Variants in SLC26A2 observed in about 807,000 individuals in gnomAD.
SLC26A2 encodes sulfate transporter.
SLC26A2 carries 36 observed loss-of-function variants against 41.1 expected under a neutral mutation model. That is an observed-to-expected ratio of 0.88 (90% CI 0.67 to 1.16). The LOEUF (loss-of-function observed/expected upper bound fraction) is 1.16, where lower values mean the gene tolerates loss of function less well. SLC26A2 is among the 50% of genes most tolerant of loss of function. The pLI, the probability that SLC26A2 is intolerant of heterozygous loss-of-function variation, is 0.00. For missense variants in SLC26A2, 796 were observed against 869.6 expected (o/e 0.92, Z 1.07); for synonymous variants, 291 against 311.6 (o/e 0.93, Z 0.70).
Position 149,981,069 on chromosome 5 carries a change from G to C in SLC26A2, c.1476G>C (p.Arg492=), listed in dbSNP as rs758441320. ...VLGVITIVNL[R]GALRKFRDLP... ...GTGTGATCACAATTGTAAATCTACG[G>C]GGAGCCCTTCGTAAATTTAGGGATC... Residue 492 remains arginine (R), a synonymous_variant, in exon 3 of 3, where the codon CGG becomes CGC. Transcript: ENST00000286298. The C allele has an allele frequency of 7.4e-6, 12 of 1,614,090 alleles. No homozygotes were observed. The highest frequency in any genetic ancestry group is 9.3e-6 in the Non-Finnish European group (11 of 1,179,998).
chr5:149,967,070 G>A (rs1297794522), intron 1 of SLC26A2, among the ~76,000 whole-genome samples: 1 of 152,192 alleles, frequency 6.6e-6, no homozygotes, highest in Non-Finnish European at 1.5e-5. Flanking sequence ...AAGCTGAAGT[G>A]GGGGATTGTT....
In SLC26A2 at chr5:149,978,055, C is replaced by A. The variant is rs386833504; in HGVS notation, c.403C>A (p.Gln135Lys). The part of the protein sequence containing the change: ...QSIAYSLLAG[Q>K]EPVYGLYTSF... ...CATTGCTTATTCCCTGCTGGCTGGC[C>A]AAGAACCTGTCTATGGTCTGTACAC... Residue 135 changes from glutamine (Q) to lysine (K), a missense_variant, in exon 2 of 3, where the codon CAA becomes AAA. Transcript: ENST00000286298. 3 of 1,613,120 alleles carry A rather than the reference C, an allele frequency of 1.9e-6. No homozygotes were observed. Among genetic ancestry groups the A allele is most frequent in the African/African-American group, 1.3e-5 (1 of 74,858 alleles).
chr5:149,979,458 A>C lies in SLC26A2; in HGVS notation c.700-835A>C, dbSNP rs185571100. 6.6e-5 allele frequency among the ~76,000 whole-genome samples: 10 copies of C among 152,256 alleles called. No individual in the cohort carries two copies. In the East Asian group the frequency reaches 1.5e-3, roughly 24 times the overall value. ...ATTTATAAAGAGACAGGGTCTCTCTATGACCAAACTCCTGGGCTCAAGTGA... is the reference window on the plus strand; with the variant it reads ...ATTTATAAAGAGACAGGGTCTCTCTCTGACCAAACTCCTGGGCTCAAGTGA... On this transcript the variant is annotated intron_variant, in intron 2 of 2. Transcript: ENST00000286298.
At chr5:149,977,311 C>G (rs541599305) in intron 1 of SLC26A2, among the ~76,000 whole-genome samples, 1 of 152,220 alleles carries the variant, frequency 6.6e-6, no homozygotes, top group African/African-American at 2.4e-5. Context: ...ACAGGCTGCC[C>G]TTACATCTTT....
chr5:149,983,645 T>C lies in SLC26A2; in HGVS notation c.*1832T>C, dbSNP rs1425997918. On this transcript the variant is annotated 3_prime_UTR_variant, in exon 3 of 3. Coordinates refer to ENST00000286298, the MANE Select transcript of SLC26A2 (RefSeq NM_000112.4). ...TCCAGGCCAGAGTGCAGTTTGATGA[T>C]AGCTTACTGAAGCTTCCCACTCCTG... The C allele has an allele frequency of 6.6e-6, 1 of 152,216 alleles. No individual in the cohort carries two copies. Among genetic ancestry groups the C allele is most frequent in the East Asian group, 1.9e-4 (1 of 5,202 alleles). The allele number at this position is 152,216 out of a possible 1,614,324, so 9.4% of individuals were successfully genotyped here. A position where few individuals can be genotyped will look rare whatever the true frequency, so the allele number is the denominator to read the frequency against.
intron 1 of SLC26A2, among the ~76,000 whole-genome samples, chr5:149,975,283 T>G (rs1164176820): frequency 6.6e-6 from 1 of 152,228 alleles, no homozygotes; most frequent in African/African-American, 2.4e-5. Context: ...ATCATCTCTG[T>G]TACTGTGTTT....
rs750742962 is a variant in SLC26A2 at position 149,977,726 on chromosome 5, C to G, written c.74C>G (p.Ser25Cys). The change falls in exon 2 of 3, where the codon TCT becomes TGT. Residue 25 changes from serine (S) to cysteine (C), a missense_variant. Ser to Cys is a moderately radical substitution (Grantham distance 112). Coordinates refer to ENST00000286298, the MANE Select transcript of SLC26A2 (RefSeq NM_000112.4). ...GCTGAAGGAAATGACAGTTATCCAT[C>G]TGGGATCCATCTGGAACTTCAAAGG... ...DSAEGNDSYP[S>C]GIHLELQRES... 18 of 1,613,768 alleles carry G rather than the reference C, an allele frequency of 1.1e-5. No homozygotes were observed. The highest frequency in any genetic ancestry group is 1.4e-5 in the Non-Finnish European group (16 of 1,179,654).
intron 1 of SLC26A2, among the ~76,000 whole-genome samples, chr5:149,967,583 G>A (rs187416080): frequency 3.1e-4 from 47 of 152,242 alleles, no homozygotes; most frequent in African/African-American, 1.1e-3. Flanking sequence ...TTAATGTAGT[G>A]TACAATGCAG....
chr5:149,985,822 T>C lies in SLC26A2; in HGVS notation c.*4009T>C, dbSNP rs902082782. The stretch of plus-strand genomic sequence containing the variant: ...CCTGGGCCAAGTGCTGGGACTATGG[T>C]ACTAAATCCAGTAGATGGGCTGTGT... On this transcript the variant is annotated 3_prime_UTR_variant, in exon 3 of 3. Coordinates refer to ENST00000286298, the MANE Select transcript of SLC26A2 (RefSeq NM_000112.4). 1.3e-5 allele frequency: 2 copies of C among 152,192 alleles called. No homozygotes were observed. The highest frequency in any genetic ancestry group is 4.8e-5 in the African/African-American group (2 of 41,434). The allele number at this position is 152,192 out of a possible 1,614,324, so 9.4% of individuals were successfully genotyped here. A position where few individuals can be genotyped will look rare whatever the true frequency, so the allele number is the denominator to read the frequency against.
chr5:149,963,080 C>CTT (rs1754739633), intron 1 of SLC26A2, among the ~76,000 whole-genome samples: 1 of 100,728 alleles, frequency 9.9e-6, no homozygotes, highest in Non-Finnish European at 2.1e-5. Flanking sequence ...GGCAGTGGTG[C>CTT]TATATTTATT....
At position 149,980,452 on chromosome 5, in the gene SLC26A2, A is replaced by G. The variant is rs770596928; in HGVS notation, c.859A>G (p.Ile287Val). The change falls in exon 3 of 3, where the codon ATC (isoleucine) becomes GTC (valine). Residue 287 changes from isoleucine (I) to valine (V), a missense_variant. Physicochemically the swap from Ile to Val is conservative, Grantham distance 29. Coordinates refer to ENST00000286298, the MANE Select transcript of SLC26A2 (RefSeq NM_000112.4). ...LPRTNGVGSL[I>V]TTWIHVFRNI... Reference sequence around the variant, plus strand: ...TCGGACTAATGGTGTGGGCTCACTCATCACTACCTGGATACATGTCTTCAG... The same window carrying G: ...TCGGACTAATGGTGTGGGCTCACTCGTCACTACCTGGATACATGTCTTCAG... 4 of 1,614,118 alleles carry G rather than the reference A, an allele frequency of 2.5e-6. No homozygotes were observed. Among genetic ancestry groups the G allele is most frequent in the Non-Finnish European group, 3.4e-6 (4 of 1,180,010 alleles).
chr5:149,969,613 A>G (rs1443388478), intron 1 of SLC26A2, among the ~76,000 whole-genome samples: 1 of 152,188 alleles, frequency 6.6e-6, no homozygotes, highest in Non-Finnish European at 1.5e-5. Flanking sequence ...TACCACTGAA[A>G]TGGCAAACCT....
Position 149,985,849 on chromosome 5 carries a change from G to C in SLC26A2, c.*4036G>C, listed in dbSNP as rs1355296068. On this transcript the variant is annotated 3_prime_UTR_variant, in exon 3 of 3. Transcript: ENST00000286298. Reference sequence around the variant, plus strand: ...CTAAATCCAGTAGATGGGCTGTGTAGCAACTCTCCCAGGGAACACACTAGG... The same window carrying C: ...CTAAATCCAGTAGATGGGCTGTGTACCAACTCTCCCAGGGAACACACTAGG... 1 of 152,222 alleles carries C rather than the reference G, an allele frequency of 6.6e-6. No individual in the cohort carries two copies. The highest frequency in any genetic ancestry group is 1.5e-5 in the Non-Finnish European group (1 of 68,074). The allele number at this position is 152,222 out of a possible 1,614,324, so 9.4% of individuals were successfully genotyped here. A position where few individuals can be genotyped will look rare whatever the true frequency, so the allele number is the denominator to read the frequency against.
At chr5:149,964,252 G>C (rs1164590042) in intron 1 of SLC26A2, among the ~76,000 whole-genome samples, 1 of 152,128 alleles carries the variant, frequency 6.6e-6, no homozygotes, top group African/African-American at 2.4e-5. Context: ...AGCAATTTGG[G>C]AGGCCGTGGC....
rs767409327 is a variant in SLC26A2, at chr5:149,980,517, C to G, written c.924C>G (p.Ser308Arg). ...CCAATCTCTGTGATCTTATCACCAG[C>G]CTTTTGTGCCTTTTGGTTCTTTTGC... ...HKTNLCDLITSLLCLLVLLPT... is the reference protein window; with the variant it reads ...HKTNLCDLITRLLCLLVLLPT... The change falls in exon 3 of 3, where the codon AGC becomes AGG. Residue 308 changes from serine to arginine, a missense_variant. Coordinates refer to ENST00000286298, the MANE Select transcript of SLC26A2 (RefSeq NM_000112.4). 6.2e-7 allele frequency: 1 copy of G among 1,614,124 alleles called. No homozygotes were observed. Among genetic ancestry groups the G allele is most frequent in the South Asian group, 1.1e-5 (1 of 91,084 alleles).
intron 1 of SLC26A2, among the ~76,000 whole-genome samples, chr5:149,975,359 G>T (rs183089780): frequency 3.5e-4 from 53 of 152,218 alleles, no homozygotes; most frequent in African/African-American, 1.2e-3. Context: ...TACTTTCTAT[G>T]TGAATTTTTA....
intron 1 of SLC26A2, among the ~76,000 whole-genome samples, chr5:149,963,832 C>G (rs1005349630): frequency 1.4e-5 from 2 of 141,146 alleles, no homozygotes; most frequent in African/African-American, 5.5e-5. Flanking sequence ...ATCTTCCTGC[C>G]TTGGCCTCTC....
At chr5:149,963,914 C>T (rs561579104) in intron 1 of SLC26A2, among the ~76,000 whole-genome samples, 4 of 151,744 alleles carry the variant, frequency 2.6e-5, no homozygotes, top group East Asian at 1.9e-4. Flanking sequence ...AGGAAGGGAC[C>T]GATTTATATA....
rs1346245034 is a variant in SLC26A2 at position 149,976,157 on chromosome 5, C to CA, written c.-25-1454dup. Among the ~76,000 whole-genome samples, 662 of 79,262 alleles carry CA rather than the reference C, an allele frequency of 8.4e-3. 2 individuals are homozygous for CA. The highest frequency in any genetic ancestry group is 0.019 in the South Asian group (45 of 2,412). The allele number at this position is 79,262 out of a possible 152,430, so 52.0% of individuals were successfully genotyped here. A position where few individuals can be genotyped will look rare whatever the true frequency, so the allele number is the denominator to read the frequency against. On this transcript the variant is annotated intron_variant, in intron 1 of 2. Transcript: ENST00000286298. ...TGGGCGACAGAGTGAAACTCTGTCT[C>CA]AAAAAAAAAAAAAAAAATGTCTCTA... is the stretch of plus-strand genomic sequence containing the variant.
Sources: gnomAD v4.1 joint callset for allele counts (sites outside exome capture counted in the v4.1 genomes callset) on GRCh38, gnomAD v4.1.1 for gene constraint, MANE v1.5 for transcripts, NCBI Gene and HGNC (gene_info 2026-07-23, HGNC 2026-07-21) for gene names.